U2AF2: variants seen among roughly 807,000 people sequenced by gnomAD.
U2AF2 encodes the protein splicing factor U2AF 65 kDa subunit.
Under a neutral mutation model 52.6 loss-of-function variants are expected in U2AF2, and 6 were observed. The observed-to-expected ratio is 0.11, with a 90% CI of 0.06 to 0.23. The LOEUF (loss-of-function observed/expected upper bound fraction) is 0.23, where lower values mean the gene tolerates loss of function less well. U2AF2 is among the 10% of genes least tolerant of loss of function. The probability of loss-of-function intolerance (pLI) is 1.00; values close to 1 mark genes in which losing one functional copy is unlikely to be tolerated. For missense variants in U2AF2, 222 were observed against 677.1 expected (o/e 0.33, Z 7.46); for synonymous variants, 284 against 258.2 (o/e 1.10, Z -0.96).
chr19:55,673,930 A>T lies in U2AF2; in HGVS notation c.1294-4A>T. The T allele has an allele frequency of 1.2e-6, 2 of 1,609,920 alleles. No homozygotes were observed. Among genetic ancestry groups the T allele is most frequent in the South Asian group, 1.1e-5 (1 of 90,624 alleles). On this transcript the variant is annotated splice_polypyrimidine_tract_variant and splice_region_variant and intron_variant, in intron 11 of 11. Coordinates refer to ENST00000308924, the MANE Select transcript of U2AF2 (RefSeq NM_007279.3). ...TCACAAACCTGCCTCTCCTTTCCCCACAGATCTTTGTGGAGTTCACCTCTG... is the reference window on the plus strand; with the variant it reads ...TCACAAACCTGCCTCTCCTTTCCCCTCAGATCTTTGTGGAGTTCACCTCTG...
intron 7 of U2AF2, chr19:55,664,082 T>G: frequency 3.9e-6 from 1 of 259,450 alleles, no homozygotes; most frequent in Non-Finnish European, 7.4e-6. Flanking sequence ...GCTCAGTCTG[T>G]GCCCGTCGGG....
intron 4 of U2AF2, 78 bp from the exon 5 acceptor site, chr19:55,660,960 A>C: frequency 6.7e-7 from 1 of 1,494,898 alleles, no homozygotes; most frequent in Non-Finnish European, 8.9e-7. Flanking sequence ...TGAGGAGGGG[A>C]ACTCCCAGTG....
rs1212929758 is a variant in U2AF2, at chr19:55,668,529, C to T, written c.765C>T (p.Pro255=). The change falls in exon 8 of 12, where the codon CCC becomes CCT. Residue 255 remains proline, a synonymous_variant. Transcript: ENST00000308924. The surrounding 1 kb of genome is among the most constrained non-coding windows in gnomAD (Gnocchi z 5.5). ...TAGGGGTTGTGTCCACTGTGGTCCCCGACTCTGCCCACAAGCTGTTCATCG... is the reference window on the plus strand; with the variant it reads ...TAGGGGTTGTGTCCACTGTGGTCCCTGACTCTGCCCACAAGCTGTTCATCG... ...YVPGVVSTVV[P]DSAHKLFIGG... is the part of the protein sequence containing the mutation. 1.0e-5 allele frequency: 16 copies of T among 1,605,600 alleles called. No individual in the cohort carries two copies. The highest frequency in any genetic ancestry group is 4.5e-5 in the South Asian group (4 of 89,568).
chr19:55,666,393 T>C (rs1225251693), intron 7 of U2AF2, among the ~76,000 whole-genome samples: 1 of 152,228 alleles, frequency 6.6e-6, no homozygotes, highest in African/African-American at 2.4e-5. Flanking sequence ...AAGCAGGGCT[T>C]GTCCTCAGTG....
chr19:55,657,022 T>C (rs1983838429), intron 1 of U2AF2, among the ~76,000 whole-genome samples: 1 of 152,186 alleles, frequency 6.6e-6, no homozygotes, highest in South Asian at 2.1e-4. Flanking sequence ...TTTTGCATGG[T>C]TTTTGTTGTT....
intron 3 of U2AF2, 68 bp downstream of exon 3, chr19:55,660,289 C>A: frequency 6.5e-7 from 1 of 1,540,440 alleles, no homozygotes; most frequent in South Asian, 1.2e-5. Flanking sequence ...GCCCGTGCAC[C>A]CTGTCCCGCC....
In U2AF2 at chr19:55,668,954, C is replaced by T; in HGVS notation, c.946-129C>T. On this transcript the variant is annotated intron_variant, in intron 9 of 11. Coordinates refer to ENST00000308924, the MANE Select transcript of U2AF2 (RefSeq NM_007279.3). This position sits in a 1 kb window ranked among gnomAD's most constrained non-coding sequence, Gnocchi z 5.5. ...CCTGTCCCATGGCGTTGGCTTTTTC[C>T]AGGCTCTTAATCCCCTTTGCCTTCC... The T allele has an allele frequency of 6.8e-7, 1 of 1,479,388 alleles. No homozygotes were observed. Among genetic ancestry groups the T allele is most frequent in the Non-Finnish European group, 9.1e-7 (1 of 1,101,104 alleles). 91.6% of individuals were successfully genotyped at this position (1,479,388 alleles called of 1,614,324 possible).
In U2AF2 at chr19:55,666,358, G is replaced by A. The variant is rs185587062; in HGVS notation, c.743-2149G>A. Among the ~76,000 whole-genome samples, 5 of 152,330 alleles carry A rather than the reference G, an allele frequency of 3.3e-5. No individual in the cohort carries two copies. In the East Asian group the frequency reaches 9.6e-4, roughly 29 times the overall value. On this transcript the variant is annotated intron_variant, in intron 7 of 11. Coordinates refer to ENST00000308924, the MANE Select transcript of U2AF2 (RefSeq NM_007279.3). ...CAGAGGTATGGGGCCCTGTTTCCCC[G>A]CCCAACTCTTGGAACATCCCTGCCA... is the stretch of plus-strand genomic sequence containing the variant.
At chr19:55,659,021 C>G (rs1196127495) in intron 1 of U2AF2, 189 bp from the exon 2 acceptor site, 1 of 904,450 alleles carries the variant, frequency 1.1e-6, no homozygotes, top group Non-Finnish European at 1.5e-6. Context: ...CCCCGTCCCC[C>G]TGGTCCCCTC....
At chr19:55,656,252 C>T (rs1434395430) in intron 1 of U2AF2, among the ~76,000 whole-genome samples, 2 of 152,190 alleles carry the variant, frequency 1.3e-5, no homozygotes, top group Non-Finnish European at 2.9e-5. Flanking sequence ...GCTTCAGCTG[C>T]CCATGTTCCT....
chr19:55,663,207 T>C (rs140270955), intron 6 of U2AF2, among the ~76,000 whole-genome samples: 219 of 152,302 alleles, frequency 1.4e-3, no homozygotes, highest in African/African-American at 4.9e-3. Context: ...TCACTCTGTC[T>C]TTGCCTCACT....
At chr19:55,664,780 C>T (rs1187359486) in intron 7 of U2AF2, among the ~76,000 whole-genome samples, 1 of 152,144 alleles carries the variant, frequency 6.6e-6, no homozygotes, top group Non-Finnish European at 1.5e-5. Flanking sequence ...TGCAGTGGCA[C>T]GATCTCGGCT....
chr19:55,670,494 G>A, intron 11 of U2AF2: 1 of 375,864 alleles, frequency 2.7e-6, no homozygotes, highest in Non-Finnish European at 5.5e-6. Flanking sequence ...CGTGCACCCT[G>A]CTGTCCGTGC....
intron 1 of U2AF2, among the ~76,000 whole-genome samples, chr19:55,656,035 C>A (rs2123666793): frequency 6.6e-6 from 1 of 152,320 alleles, no homozygotes; most frequent in East Asian, 1.9e-4. Flanking sequence ...GCGCTAAACT[C>A]TTCACTTACG....
intron 5 of U2AF2, chr19:55,661,683 CT>C: frequency 6.3e-6 from 1 of 159,216 alleles, no homozygotes; most frequent in Non-Finnish European, 1.4e-5. Context: ...CCCACCACTC[CT>C]TTTCCCTCTC....
intron 10 of U2AF2, 61 bp downstream of exon 10, chr19:55,669,242 A>G (rs959866066): frequency 3.1e-6 from 5 of 1,590,344 alleles, no homozygotes; most frequent in Non-Finnish European, 4.3e-6. Flanking sequence ...CTAGTAGGGG[A>G]CAAGTGTTCC....
chr19:55,656,109 C>T (rs898469719), intron 1 of U2AF2, among the ~76,000 whole-genome samples: 3 of 152,286 alleles, frequency 2.0e-5, no homozygotes, highest in East Asian at 1.9e-4. Context: ...AACAAAAAGC[C>T]TGGGGCCCTG....
rs1984656101 is a variant in U2AF2 at position 55,668,019 on chromosome 19, T to G, written c.743-488T>G. Among the ~76,000 whole-genome samples, 1 of 152,128 alleles carries G rather than the reference T, an allele frequency of 6.6e-6. No individual in the cohort carries two copies. The highest frequency in any genetic ancestry group is 1.5e-5 in the Non-Finnish European group (1 of 68,018). On this transcript the variant is annotated intron_variant, in intron 7 of 11. Transcript: ENST00000308924. The surrounding 1 kb of genome is among the most constrained non-coding windows in gnomAD (Gnocchi z 5.5). ...AGGATGGTCTTATCTCTTGACCTTG[T>G]GATCTGCCCGCCTTGGCCTCCCAAA...
chr19:55,669,340 G>A lies in U2AF2; in HGVS notation c.1045-104G>A, dbSNP rs186194609. ...TCGGGCTTTAGGTGTTGGAAGTGGAGAGATGGCCTTTCCCCTGGGGGGGCA... is the reference window on the plus strand; with the variant it reads ...TCGGGCTTTAGGTGTTGGAAGTGGAAAGATGGCCTTTCCCCTGGGGGGGCA... On this transcript the variant is annotated intron_variant, in intron 10 of 11. Transcript: ENST00000308924. 9 of 1,543,018 alleles carry A rather than the reference G, an allele frequency of 5.8e-6. No homozygotes were observed. In the Admixed American group the frequency reaches 1.7e-4, roughly 29 times the overall value.
Sources: allele counts gnomAD v4.1 joint callset (sites outside exome capture counted in the v4.1 genomes callset), GRCh38; gene constraint gnomAD v4.1.1; non-coding constraint Gnocchi (gnomAD v3.1); transcripts MANE v1.5; gene names NCBI Gene and HGNC (gene_info 2026-07-23, HGNC 2026-07-21).